ARHGAP15: variants seen among roughly 807,000 people sequenced by gnomAD.
ARHGAP15 encodes the protein Rho GTPase activating protein 15, also known as rho GTPase-activating protein 15.
ARHGAP15 carries 51 observed loss-of-function variants against 63.7 expected under a neutral mutation model. The ratio of observed to expected loss-of-function variants is 0.80; its 90% CI spans 0.64 to 1.01. ARHGAP15 has a LOEUF of 1.01. ARHGAP15 is among the 50% of genes least tolerant of loss of function. ARHGAP15 has a pLI of 0.00. For synonymous variants in ARHGAP15, 191 were observed against 193.8 expected, an observed-to-expected ratio of 0.99 and a Z score of 0.12; for missense variants, 560 against 564.6, an observed-to-expected ratio of 0.99 and a Z score of 0.08.
intron 13 of ARHGAP15, among the ~76,000 whole-genome samples, chr2:143,726,451 A>G (rs2105474251): frequency 6.6e-6 from 1 of 152,122 alleles, no homozygotes. Flanking sequence ...AAAAAGCTTT[A>G]TTTGAATGAT....
At chr2:143,707,645 A>T (rs1684391436) in intron 13 of ARHGAP15, among the ~76,000 whole-genome samples, 1 of 152,216 alleles carries the variant, frequency 6.6e-6, no homozygotes, top group Admixed American at 6.5e-5. Context: ...CATAGAGGTG[A>T]AAAGTTTATG....
intron 3 of ARHGAP15, 74 bp downstream of exon 3, chr2:143,202,276 C>G: frequency 8.3e-7 from 1 of 1,208,732 alleles, no homozygotes; most frequent in Non-Finnish European, 1.2e-6. Flanking sequence ...CAACTTAGAA[C>G]AGCTTAAGTT....
chr2:143,373,490 A>G (rs1000067762), intron 6 of ARHGAP15, among the ~76,000 whole-genome samples: 2 of 151,648 alleles, frequency 1.3e-5, no homozygotes, highest in African/African-American at 4.8e-5. Context: ...ATTAGCTGGG[A>G]GTGGTGGAGG....
chr2:143,641,712 A>G (rs1680608204), intron 12 of ARHGAP15, among the ~76,000 whole-genome samples: 1 of 152,148 alleles, frequency 6.6e-6, no homozygotes, highest in African/African-American at 2.4e-5. Flanking sequence ...TTAGCTGTAG[A>G]TGAAATGCCA....
intron 2 of ARHGAP15, among the ~76,000 whole-genome samples, chr2:143,165,355 C>T (rs892062497): frequency 6.6e-6 from 1 of 152,072 alleles, no homozygotes. Flanking sequence ...ACTAAACCTG[C>T]TTTCTTTCCC....
chr2:143,610,723 T>G (rs1318302694), intron 11 of ARHGAP15, among the ~76,000 whole-genome samples: 2 of 77,110 alleles, frequency 2.6e-5, no homozygotes, highest in Admixed American at 1.0e-4. Context: ...TTCAGTGTAT[T>G]TATTTATTTA....
chr2:143,556,383 A>G (rs1695798690), intron 10 of ARHGAP15, 25 bp from the exon 11 acceptor site: 3 of 1,567,426 alleles, frequency 1.9e-6, no homozygotes, highest in African/African-American at 2.7e-5. Context: ...ATGTGCTAAT[A>G]TAAAATATGC....
At chr2:143,313,883 AAG>A (rs1045751985) in intron 6 of ARHGAP15, among the ~76,000 whole-genome samples, 32 of 152,116 alleles carry the variant, frequency 2.1e-4, no homozygotes, top group African/African-American at 7.7e-4. Context: ...TTTGATTTTT[AAG>A]AGTTATTGTA....
chr2:143,647,102 G>A (rs1680915892), intron 12 of ARHGAP15, among the ~76,000 whole-genome samples: 1 of 151,666 alleles, frequency 6.6e-6, no homozygotes, highest in South Asian at 2.1e-4. Flanking sequence ...ACCCTCATAA[G>A]CATTAAAAGA....
chr2:143,453,574 A>G (rs534748064), intron 8 of ARHGAP15, among the ~76,000 whole-genome samples: 38 of 152,162 alleles, frequency 2.5e-4, no homozygotes, highest in African/African-American at 9.1e-4. Flanking sequence ...ATGTTATCTT[A>G]AAGATAAATG....
intron 6 of ARHGAP15, among the ~76,000 whole-genome samples, chr2:143,385,627 T>A (rs1235137147): frequency 6.6e-6 from 1 of 152,126 alleles, no homozygotes; most frequent in Non-Finnish European, 1.5e-5. Flanking sequence ...TTTTCCCAAA[T>A]CATGGGACAC....
chr2:143,202,340 C>A, intron 3 of ARHGAP15, 138 bp downstream of exon 3: 4 of 691,044 alleles, frequency 5.8e-6, no homozygotes, highest in African/African-American at 5.4e-5. Flanking sequence ...GTAGAGGGAT[C>A]TAGCTTGGAG....
chr2:143,458,279 G>C (rs1239403446), intron 8 of ARHGAP15, among the ~76,000 whole-genome samples: 3 of 152,112 alleles, frequency 2.0e-5, no homozygotes, highest in Non-Finnish European at 4.4e-5. Flanking sequence ...AAATACTCAA[G>C]TAATGATCAA....
At chr2:143,195,626 T>G (rs1161887698) in intron 2 of ARHGAP15, among the ~76,000 whole-genome samples, 1 of 152,176 alleles carries the variant, frequency 6.6e-6, no homozygotes, top group Non-Finnish European at 1.5e-5. Context: ...ACTGTAGAGA[T>G]AAAAACTAAA....
At chr2:143,629,490 T>C (rs888622773) in intron 12 of ARHGAP15, among the ~76,000 whole-genome samples, 4 of 152,154 alleles carry the variant, frequency 2.6e-5, no homozygotes, top group African/African-American at 9.7e-5. Context: ...CAGGGAGTTT[T>C]ATGATAGGTG....
At chr2:143,514,498 C>T (rs1232232707) in intron 9 of ARHGAP15, among the ~76,000 whole-genome samples, 1 of 152,172 alleles carries the variant, frequency 6.6e-6, no homozygotes, top group Non-Finnish European at 1.5e-5. Context: ...GTTTTGTTCA[C>T]TCTCCAGTTT....
At chr2:143,414,294 G>C (rs1476799321) in intron 6 of ARHGAP15, among the ~76,000 whole-genome samples, 1 of 151,670 alleles carries the variant, frequency 6.6e-6, no homozygotes, top group Non-Finnish European at 1.5e-5. Context: ...CCCTTAAAAA[G>C]AAACAGTAGT....
chr2:143,479,934 A>G (rs1031175899), intron 8 of ARHGAP15, among the ~76,000 whole-genome samples: 2 of 152,126 alleles, frequency 1.3e-5, no homozygotes, highest in African/African-American at 4.8e-5. Flanking sequence ...TCTATAGTGG[A>G]AGGGAAATTA....
intron 2 of ARHGAP15, among the ~76,000 whole-genome samples, chr2:143,190,858 C>T (rs1167628200): frequency 3.3e-5 from 5 of 152,312 alleles, no homozygotes; most frequent in East Asian, 3.9e-4. Flanking sequence ...GCAACCTCCG[C>T]CTCCCGGGTT....
Sources: allele counts gnomAD v4.1 joint callset (sites outside exome capture counted in the v4.1 genomes callset), GRCh38; gene constraint gnomAD v4.1.1; transcripts MANE v1.5; gene names NCBI Gene and HGNC (gene_info 2026-07-23, HGNC 2026-07-21).